The following FRMD6 variants were observed in gnomAD, a reference collection of about 807,000 sequenced individuals.
FRMD6 encodes FERM domain-containing protein 6.
FRMD6 carries 37 observed loss-of-function variants against 73.2 expected under a neutral mutation model. The ratio of observed to expected loss-of-function variants is 0.51; its 90% CI spans 0.39 to 0.66. The LOEUF is 0.66. Ranked by LOEUF, FRMD6 falls within the 30% of genes least tolerant of loss-of-function variation. FRMD6 has a pLI of 0.00. For synonymous variants in FRMD6, 273 were observed against 282.2 expected (o/e 0.97, Z 0.33); for missense variants, 714 against 780.5 (o/e 0.91, Z 1.02).
chr14:51,604,696 A>G (rs953283644), intron 2 of FRMD6, among the ~76,000 whole-genome samples: 2 of 152,170 alleles, frequency 1.3e-5, no homozygotes, highest in South Asian at 2.1e-4. Flanking sequence ...AACAACGTCA[A>G]CTAGAAACTC....
At chr14:51,422,398 TTAAAC>T in the FRMD6 span, among the ~76,000 whole-genome samples, 1 of 151,876 alleles carries the variant, frequency 6.6e-6, no homozygotes, top group South Asian at 2.1e-4. Flanking sequence ...AGGAAAAAAA[TTAAAC>T]TAATTTATTG....
chr14:51,724,567 A>G (rs1897837577), intron 12 of FRMD6, among the ~76,000 whole-genome samples: 1 of 152,180 alleles, frequency 6.6e-6, no homozygotes, highest in African/African-American at 2.4e-5. Flanking sequence ...TTCATATTTC[A>G]TGTTTCAATT....
At chr14:51,426,904 C>T in the FRMD6 span, among the ~76,000 whole-genome samples, 4 of 152,280 alleles carry the variant, frequency 2.6e-5, no homozygotes, top group East Asian at 7.7e-4. Context: ...ACTGCATTAG[C>T]TTAGAGCTGA....
At chr14:51,595,457 G>T (rs1313891184) in intron 2 of FRMD6, among the ~76,000 whole-genome samples, 1 of 152,170 alleles carries the variant, frequency 6.6e-6, no homozygotes, top group African/African-American at 2.4e-5. Context: ...GAAAGGTAGA[G>T]ACCAAAATCT....
At chr14:51,425,164 G>A in the FRMD6 span, among the ~76,000 whole-genome samples, 32,977 of 152,008 alleles carry the variant, frequency 0.22, 4,213 homozygotes, top group East Asian at 0.5. Flanking sequence ...CATGCTGTTG[G>A]GCAATGGACG....
intron 1 of FRMD6, among the ~76,000 whole-genome samples, chr14:51,518,886 A>G (rs1330713297): frequency 6.6e-6 from 1 of 152,218 alleles, no homozygotes; most frequent in Non-Finnish European, 1.5e-5. Flanking sequence ...GTAATTCTGA[A>G]TAAAACAGCC....
chr14:51,516,456 C>T (rs1379482164), intron 1 of FRMD6, among the ~76,000 whole-genome samples: 1 of 152,164 alleles, frequency 6.6e-6, no homozygotes. Context: ...GAGAAGCCAA[C>T]ACAAACAAAA....
intron 1 of FRMD6, among the ~76,000 whole-genome samples, chr14:51,502,087 CTTTAAG>C (rs1421307659): frequency 6.6e-6 from 1 of 151,950 alleles, no homozygotes; most frequent in African/African-American, 2.4e-5. Flanking sequence ...TTTCTTGTAA[CTTTAAG>C]TTTCTTAAAA....
At chr14:51,725,247 T>C (rs1050436892) in intron 12 of FRMD6, among the ~76,000 whole-genome samples, 2 of 152,280 alleles carry the variant, frequency 1.3e-5, no homozygotes, top group South Asian at 4.1e-4. Context: ...ACTGGGAGGC[T>C]AAGTAACTGG....
chr14:51,596,531 T>C (rs1266380979), intron 2 of FRMD6, among the ~76,000 whole-genome samples: 2 of 152,186 alleles, frequency 1.3e-5, no homozygotes, highest in Non-Finnish European at 2.9e-5. Context: ...AAAAGTGTAC[T>C]CCTTCGTAAG....
In FRMD6 at chr14:51,512,747, C is replaced by A. The variant is rs558821681; in HGVS notation, c.-210+23327C>A. 6.6e-5 allele frequency among the ~76,000 whole-genome samples: 10 copies of A among 152,192 alleles called. 1 individual carries two copies. The South Asian group carries it at 2.1e-3, about 32-fold the overall frequency. Reference sequence around the variant, plus strand: ...GTCTGTATGTACCGGATTCTTTCCCCCAGGCTGGAACCAACTCAACTCTGG... The same window carrying A: ...GTCTGTATGTACCGGATTCTTTCCCACAGGCTGGAACCAACTCAACTCTGG... On this transcript the variant is annotated intron_variant, in intron 1 of 14. Transcript: ENST00000356218.
the FRMD6 span, among the ~76,000 whole-genome samples, chr14:51,427,284 C>A: frequency 0.17 from 25,388 of 152,218 alleles, 2,347 homozygotes; most frequent in Middle Eastern, 0.26. Context: ...GTCTGCCATG[C>A]ATGCAGGAGG....
At chr14:51,642,748 T>C (rs1261619321) in intron 2 of FRMD6, among the ~76,000 whole-genome samples, 1 of 152,196 alleles carries the variant, frequency 6.6e-6, no homozygotes, top group Admixed American at 6.5e-5. Context: ...AGATGTTAAA[T>C]ATTTTAGAGG....
chr14:51,432,571 ATGTTAAT>A, the FRMD6 span, among the ~76,000 whole-genome samples: 14 of 152,280 alleles, frequency 9.2e-5, no homozygotes, highest in East Asian at 2.7e-3. Context: ...CCCAGGGCCC[ATGTTAAT>A]TGTTAACTTT....
chr14:51,486,537 A>AT (rs1882763839), upstream of FRMD6, among the ~76,000 whole-genome samples: 1 of 152,238 alleles, frequency 6.6e-6, no homozygotes, highest in Admixed American at 6.5e-5. Context: ...ACCTGTTATC[A>AT]TAACTGGCAC....
upstream of FRMD6, among the ~76,000 whole-genome samples, chr14:51,488,391 G>T (rs546635010): frequency 6.6e-6 from 1 of 152,186 alleles, no homozygotes; most frequent in East Asian, 1.9e-4. Context: ...CTGTTATTGT[G>T]CCAGTCTTCC....
chr14:51,445,739 G>A, the FRMD6 span, among the ~76,000 whole-genome samples: 1 of 152,188 alleles, frequency 6.6e-6, no homozygotes, highest in Admixed American at 6.5e-5. Context: ...TGTGCCCTCA[G>A]CAGTTAGCAC....
upstream of FRMD6, among the ~76,000 whole-genome samples, chr14:51,486,175 C>T (rs1391292317): frequency 1.3e-5 from 2 of 152,208 alleles, no homozygotes; most frequent in Non-Finnish European, 2.9e-5. Flanking sequence ...GCTGGGACTA[C>T]AGGCGCCCGC....
intron 2 of FRMD6, among the ~76,000 whole-genome samples, chr14:51,595,600 C>G (rs1311504137): frequency 2.0e-5 from 3 of 152,184 alleles, no homozygotes; most frequent in African/African-American, 4.8e-5. Flanking sequence ...AGCATGAAAT[C>G]CAGCCACATC....
Sources: allele counts gnomAD v4.1 joint callset (sites outside exome capture counted in the v4.1 genomes callset), GRCh38; gene constraint gnomAD v4.1.1; transcripts MANE v1.5; gene names NCBI Gene and HGNC (gene_info 2026-07-23, HGNC 2026-07-21).